VPS8: variants seen among roughly 807,000 people sequenced by gnomAD.
VPS8 encodes vacuolar protein sorting-associated protein 8 homolog.
VPS8 carries 129 observed loss-of-function variants against 216.4 expected under a neutral mutation model. The observed-to-expected ratio is 0.60, with a 90% CI of 0.52 to 0.69. The LOEUF (loss-of-function observed/expected upper bound fraction) is 0.69, where lower values mean the gene tolerates loss of function less well. Among genes scored for constraint, VPS8 ranks in the 30% least tolerant of loss-of-function variants. The pLI, the probability that VPS8 is intolerant of heterozygous loss-of-function variation, is 0.00. For synonymous variants in VPS8, 571 were observed against 565.4 expected (o/e 1.01, Z -0.14); for missense variants, 1,531 against 1,683.5 (o/e 0.91, Z 1.59).
Position 184,856,961 on chromosome 3 carries a change from G to A in VPS8, c.1143+1143G>A, listed in dbSNP as rs191057622. On this transcript the variant is annotated intron_variant, in intron 14 of 47. Coordinates refer to ENST00000625842, the MANE Select transcript of VPS8 (RefSeq NM_001009921.3). ...GACTCTCGAACTCCTGGCCTCAAGCGTTCCTCCCACCTCAGCCTCCCAAAT... is the reference window on the plus strand; with the variant it reads ...GACTCTCGAACTCCTGGCCTCAAGCATTCCTCCCACCTCAGCCTCCCAAAT... Among the ~76,000 whole-genome samples, 349 of 152,222 alleles carry A rather than the reference G, an allele frequency of 2.3e-3. 3 individuals carry two copies. The highest frequency in any genetic ancestry group is 2.3e-3 in the East Asian group (12 of 5,174).
At chr3:184,949,157 C>T (rs1306433029) in intron 36 of VPS8, among the ~76,000 whole-genome samples, 3 of 151,982 alleles carry the variant, frequency 2.0e-5, no homozygotes, top group East Asian at 3.9e-4. Flanking sequence ...ATTAGCAGGG[C>T]GTGGTGGTGC....
chr3:184,916,309 G>C (rs1737579411), intron 28 of VPS8, among the ~76,000 whole-genome samples: 1 of 152,092 alleles, frequency 6.6e-6, no homozygotes, highest in Non-Finnish European at 1.5e-5. Flanking sequence ...TGGTATTGTT[G>C]TTTTTTGAAA....
At chr3:184,903,225 C>T (rs994503771) in intron 25 of VPS8, among the ~76,000 whole-genome samples, 3 of 152,044 alleles carry the variant, frequency 2.0e-5, no homozygotes, top group African/African-American at 7.2e-5. Context: ...ATTTTAAGTC[C>T]TACAATATTG....
intron 40 of VPS8, among the ~76,000 whole-genome samples, chr3:184,977,016 G>A (rs183078246): frequency 8.5e-5 from 13 of 152,112 alleles, no homozygotes; most frequent in East Asian, 7.7e-4. Flanking sequence ...TTCAACTCTC[G>A]GTTCTTTTGA....
At chr3:185,004,704 G>T (rs932672741) in intron 45 of VPS8, among the ~76,000 whole-genome samples, 2 of 151,998 alleles carry the variant, frequency 1.3e-5, no homozygotes, top group African/African-American at 4.8e-5. Context: ...CCCACTTTTT[G>T]ATGGGGTTGT....
At chr3:184,865,988 A>T (rs1727279469) in intron 16 of VPS8, among the ~76,000 whole-genome samples, 1 of 82,306 alleles carries the variant, frequency 1.2e-5, no homozygotes, top group African/African-American at 3.9e-5. Flanking sequence ...ACTCCATCTT[A>T]AAAAAAAAAA....
Position 184,996,369 on chromosome 3 carries a change from A to G in VPS8, c.3704A>G (p.Asp1235Gly). 6.2e-7 allele frequency: 1 copy of G among 1,613,330 alleles called. No homozygotes were observed. Among genetic ancestry groups the G allele is most frequent in the Non-Finnish European group, 8.5e-7 (1 of 1,179,606 alleles). ...LETTTSLLNQ[D>G]LHWSLCNLRA... ...ACAACAACCAGCCTTCTAAACCAAGATCTCCATTGGTCATTGTGTAACCTG... is the reference window on the plus strand; with the variant it reads ...ACAACAACCAGCCTTCTAAACCAAGGTCTCCATTGGTCATTGTGTAACCTG... Residue 1235 changes from aspartate to glycine, a missense_variant, in exon 44 of 48, where the codon GAT becomes GGT. Transcript: ENST00000625842.
At chr3:184,886,244 G>T in intron 22 of VPS8, 88 bp downstream of exon 22, 1 of 1,190,210 alleles carries the variant, frequency 8.4e-7, no homozygotes, top group South Asian at 1.4e-5. Context: ...CTATGAATTT[G>T]ACTGAATAGA....
At chr3:184,855,509 A>C (rs939228558) in intron 13 of VPS8, among the ~76,000 whole-genome samples, 6 of 152,230 alleles carry the variant, frequency 3.9e-5, no homozygotes, top group Admixed American at 1.3e-4. Flanking sequence ...TTTGTAACTC[A>C]AATGCCTATC....
chr3:185,015,992 A>AT (rs1334190303), intron 45 of VPS8, among the ~76,000 whole-genome samples: 1 of 152,256 alleles, frequency 6.6e-6, no homozygotes, highest in East Asian at 1.9e-4. Flanking sequence ...TATTCTATTT[A>AT]TTTGAGCTTT....
intron 46 of VPS8, 92 bp downstream of exon 46, chr3:185,024,481 T>A: frequency 7.7e-7 from 1 of 1,300,644 alleles, no homozygotes; most frequent in Non-Finnish European, 1.1e-6. Flanking sequence ...CAATGATTTT[T>A]AATCATCTTA....
At chr3:184,824,088 G>A (rs544798948) in intron 1 of VPS8, 1 of 152,574 alleles carries the variant, frequency 6.6e-6, no homozygotes, top group African/African-American at 2.4e-5. Flanking sequence ...AGCTCCCAGA[G>A]ACGTCTGTGG....
At chr3:184,938,147 T>C (rs1295172615) in intron 35 of VPS8, among the ~76,000 whole-genome samples, 3 of 152,148 alleles carry the variant, frequency 2.0e-5, no homozygotes, top group African/African-American at 7.2e-5. Context: ...ATTTAGGACA[T>C]TTTTGTGAAG....
Position 184,869,545 on chromosome 3 carries a change from G to C in VPS8, c.1644+17G>C. 1.2e-6 allele frequency: 2 copies of C among 1,612,314 alleles called. No homozygotes were observed. Among genetic ancestry groups the C allele is most frequent in the South Asian group, 2.2e-5 (2 of 91,020 alleles). On this transcript the variant is annotated intron_variant, in intron 20 of 47. Transcript: ENST00000625842. ...GCAGACCGGGTGAGTATTTTAAGAG[G>C]GTCTTTACTAGAATACAGTGCAGAT...
intron 10 of VPS8, 83 bp downstream of exon 10, chr3:184,850,105 A>T: frequency 9.0e-7 from 1 of 1,112,570 alleles, no homozygotes; most frequent in Non-Finnish European, 1.3e-6. Context: ...TATGTTGATG[A>T]TCAGAGTCCA....
At chr3:184,852,072 T>G (rs1724385878) in intron 10 of VPS8, among the ~76,000 whole-genome samples, 1 of 152,210 alleles carries the variant, frequency 6.6e-6, no homozygotes, top group African/African-American at 2.4e-5. Context: ...GAAGACATAT[T>G]CAGATAAGTT....
intron 36 of VPS8, among the ~76,000 whole-genome samples, chr3:184,949,496 T>G (rs930481928): frequency 6.6e-6 from 1 of 152,150 alleles, no homozygotes; most frequent in South Asian, 2.1e-4. Context: ...TATGAGGGAT[T>G]GTGGCTGTTC....
intron 10 of VPS8, among the ~76,000 whole-genome samples, chr3:184,850,474 C>T (rs548318268): frequency 2.4e-4 from 36 of 152,062 alleles, no homozygotes; most frequent in African/African-American, 8.0e-4. Flanking sequence ...AGGCACAGAT[C>T]GTGAAAAAAC....
At chr3:184,857,741 CA>C (rs375301946) in intron 14 of VPS8, among the ~76,000 whole-genome samples, 1 of 152,182 alleles carries the variant, frequency 6.6e-6, no homozygotes, top group African/African-American at 2.4e-5. Context: ...TAATCTAGAT[CA>C]GGGGTTAGCA....
Sources: allele counts gnomAD v4.1 joint callset (sites outside exome capture counted in the v4.1 genomes callset), GRCh38; gene constraint gnomAD v4.1.1; transcripts MANE v1.5; gene names NCBI Gene and HGNC (gene_info 2026-07-23, HGNC 2026-07-21).